Variants in NUTM2B observed in about 807,000 individuals in gnomAD.
NUTM2B encodes the protein NUT family member 2B.
NUTM2B carries 2 observed loss-of-function variants against 42.4 expected under a neutral mutation model. The ratio of observed to expected loss-of-function variants is 0.05; its 90% CI spans 0.02 to 0.15. The LOEUF (loss-of-function observed/expected upper bound fraction) is 0.15, where lower values mean the gene tolerates loss of function less well. NUTM2B is among the 10% of genes least tolerant of loss of function. The probability of loss-of-function intolerance (pLI) is 1.00; values close to 1 mark genes in which losing one functional copy is unlikely to be tolerated. For missense variants in NUTM2B, 58 were observed against 952.6 expected, an observed-to-expected ratio of 0.06 and a Z score of 12.36; for synonymous variants, 18 against 402.4, an observed-to-expected ratio of 0.04 and a Z score of 11.43.
upstream of NUTM2B, among the ~76,000 whole-genome samples, chr10:79,700,093 A>T (rs1437776388): frequency 6.6e-6 from 1 of 152,186 alleles, no homozygotes; most frequent in Non-Finnish European, 1.5e-5. Context: ...GCTTTTCTTG[A>T]CTTTGGCCAC....
At chr10:79,693,511 T>G in the NUTM2B span, among the ~76,000 whole-genome samples, 1 of 152,168 alleles carries the variant, frequency 6.6e-6, no homozygotes, top group Non-Finnish European at 1.5e-5. Context: ...CTCAAAAATA[T>G]TGAGCCCAGA....
chr10:79,699,116 G>A (rs1448928380), upstream of NUTM2B, among the ~76,000 whole-genome samples: 1 of 151,600 alleles, frequency 6.6e-6, no homozygotes. Context: ...AAAGAAGCAC[G>A]CATCACCATG....
the NUTM2B span, among the ~76,000 whole-genome samples, chr10:79,695,774 C>T: frequency 2.6e-5 from 4 of 151,860 alleles, no homozygotes; most frequent in Non-Finnish European, 5.9e-5. Context: ...GCTGATCACA[C>T]GGACAATATC....
At chr10:79,700,279 G>A (rs1353039011), upstream of NUTM2B, among the ~76,000 whole-genome samples, 7 of 152,270 alleles carry the variant, frequency 4.6e-5, no homozygotes, top group African/African-American at 9.6e-5. Flanking sequence ...GAGGTCGTCC[G>A]TGAGAACTTC....
the NUTM2B span, among the ~76,000 whole-genome samples, chr10:79,695,957 G>T: frequency 6.7e-6 from 1 of 149,206 alleles, no homozygotes; most frequent in Non-Finnish European, 1.5e-5. Context: ...GGATTCTTTG[G>T]CCCTAAGAAT....
chr10:79,700,335 C>T (rs1840292113), upstream of NUTM2B, among the ~76,000 whole-genome samples: 1 of 152,266 alleles, frequency 6.6e-6, no homozygotes, highest in Non-Finnish European at 1.5e-5. Context: ...AACTGCATCA[C>T]GGTTTCAACT....
chr10:79,694,033 C>T, the NUTM2B span, among the ~76,000 whole-genome samples: 1 of 152,164 alleles, frequency 6.6e-6, no homozygotes, highest in African/African-American at 2.4e-5. Context: ...ACCTCCATCA[C>T]GTGGCTCCCT....
At chr10:79,692,125 C>T in the NUTM2B span, 1 of 151,540 alleles carries the variant, frequency 6.6e-6, no homozygotes, top group African/African-American at 2.4e-5. Flanking sequence ...GATTTAGGGG[C>T]AAGAGCAGGG....
chr10:79,695,668 G>A, the NUTM2B span, among the ~76,000 whole-genome samples: 2 of 151,948 alleles, frequency 1.3e-5, no homozygotes, highest in Admixed American at 6.5e-5. Context: ...CTCGTCACTC[G>A]CCATGCCCCA....
upstream of NUTM2B, among the ~76,000 whole-genome samples, chr10:79,699,235 T>G (rs1480573517): frequency 6.6e-6 from 1 of 151,850 alleles, no homozygotes; most frequent in African/African-American, 2.4e-5. Flanking sequence ...TTATTGCCCA[T>G]GTGCACAAGA....
chr10:79,700,749 C>CACTTTGAAAAGAG (rs1840300681), upstream of NUTM2B, among the ~76,000 whole-genome samples: 1 of 152,252 alleles, frequency 6.6e-6, no homozygotes, highest in Non-Finnish European at 1.5e-5. Context: ...CCGCAACCGG[C>CACTTTGAAAAGAG]GCTGGGAGCG....
intron 3 of NUTM2B, among the ~76,000 whole-genome samples, chr10:79,709,256 G>A (rs901206235): frequency 1.5e-5 from 2 of 132,100 alleles, no homozygotes; most frequent in African/African-American, 5.9e-5. Flanking sequence ...ATCTGCACCT[G>A]GGACACCATG....
At chr10:79,695,874 C>A in the NUTM2B span, among the ~76,000 whole-genome samples, 3 of 151,514 alleles carry the variant, frequency 2.0e-5, no homozygotes, top group East Asian at 2.0e-4. Context: ...ACTGAAGGAG[C>A]AACCACCTGC....
upstream of NUTM2B, among the ~76,000 whole-genome samples, chr10:79,700,134 C>G (rs924542886): frequency 3.9e-5 from 6 of 152,212 alleles, no homozygotes; most frequent in East Asian, 1.9e-4. Flanking sequence ...CTTGTGCTAC[C>G]AAGCGAACAA....
the NUTM2B span, among the ~76,000 whole-genome samples, chr10:79,695,110 T>C: frequency 1.3e-5 from 2 of 152,072 alleles, no homozygotes; most frequent in Admixed American, 6.5e-5. Context: ...GTTCTAAAGG[T>C]GTGCTCCCCA....
chr10:79,694,527 G>T, the NUTM2B span, among the ~76,000 whole-genome samples: 2 of 152,108 alleles, frequency 1.3e-5, no homozygotes, highest in Non-Finnish European at 2.9e-5. Context: ...AAACATCAGA[G>T]CCACATTTTC....
chr10:79,695,931 A>G, the NUTM2B span, among the ~76,000 whole-genome samples: 1 of 150,300 alleles, frequency 6.7e-6, no homozygotes, highest in Non-Finnish European at 1.5e-5. Context: ...GAAAAGCAAG[A>G]AACTACCATT....
intron 3 of NUTM2B, among the ~76,000 whole-genome samples, chr10:79,709,298 C>T (rs1840446131): frequency 7.4e-6 from 1 of 134,664 alleles, no homozygotes. Context: ...GCCTTTGCTC[C>T]TGGGCAGTCC....
the NUTM2B span, among the ~76,000 whole-genome samples, chr10:79,696,284 G>A: frequency 1.3e-5 from 2 of 151,750 alleles, no homozygotes; most frequent in Non-Finnish European, 2.9e-5. Flanking sequence ...CCAACCTAAC[G>A]CCACTGAACA....
Sources: allele counts gnomAD v4.1 joint callset (sites outside exome capture counted in the v4.1 genomes callset), GRCh38; gene constraint gnomAD v4.1.1; transcripts MANE v1.5; gene names NCBI Gene and HGNC (gene_info 2026-07-23, HGNC 2026-07-21).